The following ADARB2 variants were observed in gnomAD, a reference collection of about 807,000 sequenced individuals.
ADARB2 encodes the protein adenosine deaminase RNA specific B2 (inactive).
Under a neutral mutation model 62.2 loss-of-function variants are expected in ADARB2, and 25 were observed. The observed-to-expected ratio is 0.40, with a 90% CI of 0.29 to 0.56. The LOEUF (loss-of-function observed/expected upper bound fraction) is 0.56. Ranked by LOEUF, ADARB2 falls within the 20% of genes least tolerant of loss-of-function variation. ADARB2 has a pLI of 0.43. For missense variants in ADARB2, 1,071 were observed against 1,077.4 expected (o/e 0.99, Z 0.08); for synonymous variants, 572 against 500.8 (o/e 1.14, Z -1.90).
At chr10:1,664,472 A>G (rs1187449008) in intron 1 of ADARB2, among the ~76,000 whole-genome samples, 2 of 152,230 alleles carry the variant, frequency 1.3e-5, no homozygotes, top group Non-Finnish European at 2.9e-5. Context: ...GACCTGACCT[A>G]ACGACCCACA....
chr10:1,576,612 G>T (rs958319007), intron 1 of ADARB2, among the ~76,000 whole-genome samples: 2 of 152,130 alleles, frequency 1.3e-5, no homozygotes, highest in African/African-American at 4.8e-5. Flanking sequence ...GTCTCAAGTG[G>T]GTGAGGGGCA....
chr10:1,308,518 G>A (rs1831653668), intron 3 of ADARB2, among the ~76,000 whole-genome samples: 1 of 152,190 alleles, frequency 6.6e-6, no homozygotes, highest in Admixed American at 6.5e-5. Flanking sequence ...TAAAGACCAA[G>A]GAGTGTGATT....
In ADARB2 at chr10:1,505,966, A is replaced by T. The variant is rs144759396; in HGVS notation, c.101-126806T>A. On this transcript the variant is annotated intron_variant, in intron 1 of 9. Transcript: ENST00000381312. Reference sequence around the variant, plus strand: ...CCATTCTTGGTATCAAAATCAGAGCACACTTTAATAATCATCTAATCGTTT... The same window carrying T: ...CCATTCTTGGTATCAAAATCAGAGCTCACTTTAATAATCATCTAATCGTTT... 1.1e-4 allele frequency among the ~76,000 whole-genome samples: 17 copies of T among 152,326 alleles called. No homozygotes were observed. In the East Asian group the frequency reaches 1.4e-3, roughly 12 times the overall value.
At chr10:1,661,261 T>C (rs562257960) in intron 1 of ADARB2, among the ~76,000 whole-genome samples, 10 of 152,310 alleles carry the variant, frequency 6.6e-5, no homozygotes. Context: ...GTCCCCGTCG[T>C]CACTTTCTCT....
In ADARB2 at chr10:1,455,562, A is replaced by G. The variant is rs182934730; in HGVS notation, c.101-76402T>C. Among the ~76,000 whole-genome samples, 256 of 152,304 alleles carry G rather than the reference A, an allele frequency of 1.7e-3. 1 individual carries two copies. The highest frequency in any genetic ancestry group is 5.9e-3 in the African/African-American group (245 of 41,574). ...CTCTGGCCAGAGCTAAGTTGGAGGT[A>G]TTGCTGTTTCTTTCTCTAAAAAAGT... On this transcript the variant is annotated intron_variant, in intron 1 of 9. Coordinates refer to ENST00000381312, the MANE Select transcript of ADARB2 (RefSeq NM_018702.4).
chr10:1,553,730 T>A (rs1832661938), intron 1 of ADARB2, among the ~76,000 whole-genome samples: 1 of 152,098 alleles, frequency 6.6e-6, no homozygotes, highest in Non-Finnish European at 1.5e-5. Context: ...CAGAGTAGGT[T>A]AAGAATAAAG....
chr10:1,379,194 C>T (rs1832460411), intron 1 of ADARB2, 34 bp from the exon 2 acceptor site: 1 of 1,539,436 alleles, frequency 6.5e-7, no homozygotes, highest in Non-Finnish European at 9.0e-7. Context: ...GCACTTTTGA[C>T]ATGGAGTTGC....
At chr10:1,602,238 G>A (rs1188940199) in intron 1 of ADARB2, among the ~76,000 whole-genome samples, 2 of 152,194 alleles carry the variant, frequency 1.3e-5, no homozygotes, top group South Asian at 2.1e-4. Flanking sequence ...CACCACGGGT[G>A]GTCAGGCCAG....
chr10:1,348,434 C>T (rs1388088106), intron 3 of ADARB2, among the ~76,000 whole-genome samples: 1 of 152,156 alleles, frequency 6.6e-6, no homozygotes, highest in Non-Finnish European at 1.5e-5. Flanking sequence ...AGCCCTGGAG[C>T]CTGTGACTCT....
intron 3 of ADARB2, among the ~76,000 whole-genome samples, chr10:1,301,367 A>G (rs1831571393): frequency 6.6e-6 from 1 of 152,264 alleles, no homozygotes; most frequent in African/African-American, 2.4e-5. Flanking sequence ...AGAGGGGGAT[A>G]GCAGCCTTTG....
intron 3 of ADARB2, among the ~76,000 whole-genome samples, chr10:1,273,925 TG>T (rs1163957715): frequency 7.2e-5 from 11 of 152,010 alleles, no homozygotes; most frequent in Non-Finnish European, 1.0e-4. Flanking sequence ...CCGGGGCTCG[TG>T]GGTTGCCAGC....
chr10:1,302,995 C>T (rs1831589607), intron 3 of ADARB2, among the ~76,000 whole-genome samples: 1 of 152,312 alleles, frequency 6.6e-6, no homozygotes, highest in African/African-American at 2.4e-5. Flanking sequence ...AGGAACACAG[C>T]TCCTCACCAG....
intron 1 of ADARB2, among the ~76,000 whole-genome samples, chr10:1,590,860 C>A (rs977169723): frequency 6.6e-6 from 1 of 152,128 alleles, no homozygotes; most frequent in Non-Finnish European, 1.5e-5. Flanking sequence ...AACCGTGCGT[C>A]GTCTGCTGCA....
At chr10:1,590,587 A>T (rs1431266681) in intron 1 of ADARB2, among the ~76,000 whole-genome samples, 1 of 152,158 alleles carries the variant, frequency 6.6e-6, no homozygotes, top group Non-Finnish European at 1.5e-5. Flanking sequence ...CCGTTAGACG[A>T]GAGGCTCTGC....
chr10:1,223,971 T>C (rs1245173682), intron 6 of ADARB2, among the ~76,000 whole-genome samples: 4 of 152,218 alleles, frequency 2.6e-5, no homozygotes, highest in African/African-American at 9.6e-5. Context: ...TCTTTTTCTA[T>C]TGATTGGAAT....
rs552599272 is a variant in ADARB2 at position 1,400,481 on chromosome 10, C to T, written c.101-21321G>A. ...ATGGATTTTCTGGGAGAAAGGCAGCCGCAGTGCTCTCTACTAGATGCCCTG... is the reference window on the plus strand; with the variant it reads ...ATGGATTTTCTGGGAGAAAGGCAGCTGCAGTGCTCTCTACTAGATGCCCTG... On this transcript the variant is annotated intron_variant, in intron 1 of 9. Coordinates refer to ENST00000381312, the MANE Select transcript of ADARB2 (RefSeq NM_018702.4). Among the ~76,000 whole-genome samples, 83 of 152,278 alleles carry T rather than the reference C, an allele frequency of 5.5e-4. 1 individual carries two copies. The highest frequency in any genetic ancestry group is 1.0e-3 in the Non-Finnish European group (70 of 68,012).
chr10:1,582,912 C>T (rs993673082), intron 1 of ADARB2, among the ~76,000 whole-genome samples: 3 of 152,192 alleles, frequency 2.0e-5, no homozygotes, highest in African/African-American at 4.8e-5. Flanking sequence ...CTCTGATGAG[C>T]GTGTTAATGA....
intron 1 of ADARB2, among the ~76,000 whole-genome samples, chr10:1,663,542 A>G (rs1834275546): frequency 6.6e-6 from 1 of 152,052 alleles, no homozygotes; most frequent in Admixed American, 6.6e-5. Flanking sequence ...ATAGTTTGTA[A>G]CCTTTGCAGA....
At position 1,183,336 on chromosome 10, in the gene ADARB2, G is replaced by T; in HGVS notation, c.2077C>A (p.Pro693Thr). 1 of 1,614,170 alleles carries T rather than the reference G, an allele frequency of 6.2e-7. No homozygotes were observed. Among genetic ancestry groups the T allele is most frequent in the Non-Finnish European group, 8.5e-7 (1 of 1,180,016 alleles). Reference sequence around the variant, plus strand: ...AGCTTGGCCTCACAGTACATGGAGGGCGTGTCTCCAGGGCTGGGTGTCCGT... The same window carrying T: ...AGCTTGGCCTCACAGTACATGGAGGTCGTGTCTCCAGGGCTGGGTGTCCGT... ...STRTPSPGDT[P>T]SMYCEAKLGA... Residue 693 changes from proline (P) to threonine (T), a missense_variant, in exon 10 of 10, where the codon CCC becomes ACC. Pro to Thr is a conservative substitution (Grantham distance 38). Transcript: ENST00000381312.
Sources: allele counts gnomAD v4.1 joint callset (sites outside exome capture counted in the v4.1 genomes callset), GRCh38; gene constraint gnomAD v4.1.1; transcripts MANE v1.5; gene names NCBI Gene and HGNC (gene_info 2026-07-23, HGNC 2026-07-21).